Variants in NOL4 observed in about 807,000 individuals in gnomAD.
NOL4 encodes nucleolar protein 4.
Under a neutral mutation model 75.9 loss-of-function variants are expected in NOL4, and 17 were observed. The ratio of observed to expected loss-of-function variants is 0.22; its 90% confidence interval spans 0.15 to 0.34. NOL4 has a LOEUF of 0.34. NOL4 is among the 10% of genes least tolerant of loss of function. The probability of loss-of-function intolerance (pLI) is 1.00; values close to 1 mark genes in which losing one functional copy is unlikely to be tolerated. For synonymous variants in NOL4, 292 were observed against 289.9 expected, an observed-to-expected ratio of 1.01 and a Z score of -0.07; for missense variants, 614 against 793.5, an observed-to-expected ratio of 0.77 and a Z score of 2.72.
chr18:33,859,894 G>A (rs1172203185), intron 10 of NOL4, among the ~76,000 whole-genome samples: 2 of 152,026 alleles, frequency 1.3e-5, no homozygotes, highest in East Asian at 1.9e-4. Context: ...CTCCAGCCTG[G>A]GGGACAGAGT....
At chr18:33,915,059 T>G (rs2066631601) in intron 9 of NOL4, among the ~76,000 whole-genome samples, 1 of 152,104 alleles carries the variant, frequency 6.6e-6, no homozygotes, top group Non-Finnish European at 1.5e-5. Flanking sequence ...GAGATGGAAC[T>G]GCAAGGAAGC....
chr18:34,163,717 C>A (rs2031889297), intron 1 of NOL4, among the ~76,000 whole-genome samples: 1 of 152,156 alleles, frequency 6.6e-6, no homozygotes, highest in Non-Finnish European at 1.5e-5. Flanking sequence ...CAGTGACTTT[C>A]TTCACAGAAC....
rs2081279595 is a variant in NOL4, at chr18:34,143,699, T to G, written c.265-13679A>C. ...CTGGCCAACATGGAAAGGCTGTTTC[T>G]GCTAAAGATACAAAAATTAGCCAGG... On this transcript the variant is annotated intron_variant, in intron 1 of 10. Coordinates refer to ENST00000261592, the MANE Select transcript of NOL4 (RefSeq NM_003787.5). 2.0e-5 allele frequency among the ~76,000 whole-genome samples: 3 copies of G among 151,888 alleles called. No individual in the cohort carries two copies. In the South Asian group the frequency reaches 6.2e-4, roughly 32 times the overall value.
At chr18:34,031,619 T>C (rs990638577) in intron 5 of NOL4, among the ~76,000 whole-genome samples, 2 of 152,190 alleles carry the variant, frequency 1.3e-5, no homozygotes, top group Non-Finnish European at 2.9e-5. Context: ...TGAGTAGATA[T>C]TTTATACTTT....
intron 2 of NOL4, among the ~76,000 whole-genome samples, chr18:34,124,573 A>G (rs569504205): frequency 6.6e-6 from 1 of 152,196 alleles, no homozygotes; most frequent in Admixed American, 6.5e-5. Context: ...TCAAACACAT[A>G]CCAAACGCTA....
chr18:33,908,980 T>C (rs1352728146), intron 9 of NOL4, among the ~76,000 whole-genome samples: 2 of 152,258 alleles, frequency 1.3e-5, no homozygotes, highest in Admixed American at 6.5e-5. Flanking sequence ...GCGCATACAA[T>C]AGGAAGACAA....
rs1156472289 is a variant in NOL4, at chr18:34,137,779, T to TACACAC, written c.265-7765_265-7760dup. ...AAGCCAAAATCATGTATATACGAAA[T>TACACAC]ACACACACACACACACACACACACA... On this transcript the variant is annotated intron_variant, in intron 1 of 10. Transcript: ENST00000261592. Among the ~76,000 whole-genome samples, 385 of 147,148 alleles carry TACACAC rather than the reference T, an allele frequency of 2.6e-3. 3 individuals carry two copies. The highest frequency in any genetic ancestry group is 4.4e-3 in the East Asian group (22 of 4,992).
chr18:34,135,483 G>A (rs1035726087), intron 1 of NOL4, among the ~76,000 whole-genome samples: 1 of 151,926 alleles, frequency 6.6e-6, no homozygotes, highest in Non-Finnish European at 1.5e-5. Context: ...GGATCACGAG[G>A]TCAGAAGATC....
chr18:33,874,854 G>C (rs1211501398), intron 10 of NOL4, among the ~76,000 whole-genome samples: 1 of 151,942 alleles, frequency 6.6e-6, no homozygotes, highest in Non-Finnish European at 1.5e-5. Flanking sequence ...TGAATCTTAT[G>C]GCCAAGTTTC....
rs959063362 is a variant in NOL4 at position 33,898,403 on chromosome 18, G to A, written c.1543-14979C>T. Among the ~76,000 whole-genome samples, 3 of 152,002 alleles carry A rather than the reference G, an allele frequency of 2.0e-5. No individual in the cohort carries two copies. In the East Asian group the frequency reaches 5.8e-4, roughly 29 times the overall value. On this transcript the variant is annotated intron_variant, in intron 9 of 10. Transcript: ENST00000261592. ...CCCCTCTGAGGCCTATGCCCAAATT[G>A]TCTATTTTTCAGTTTAAATTTTGGT... is the stretch of plus-strand genomic sequence containing the variant.
At chr18:34,072,562 GA>G (rs1315731601) in intron 5 of NOL4, among the ~76,000 whole-genome samples, 4 of 152,050 alleles carry the variant, frequency 2.6e-5, no homozygotes, top group Non-Finnish European at 5.9e-5. Context: ...AAAAGAAAAA[GA>G]CTATATATTT....
At chr18:34,143,472 T>C (rs765239012) in intron 1 of NOL4, among the ~76,000 whole-genome samples, 3 of 152,174 alleles carry the variant, frequency 2.0e-5, no homozygotes, top group Non-Finnish European at 4.4e-5. Context: ...TAAAACTCCA[T>C]ACAACTTTTG....
In NOL4 at chr18:34,224,310, C is replaced by G. The variant is rs2037491689; in HGVS notation, c.-1057G>C. The G allele has an allele frequency of 6.6e-6, 1 of 152,476 alleles. No individual in the cohort carries two copies. The highest frequency in any genetic ancestry group is 2.1e-4 in the South Asian group (1 of 4,836). The allele number at this position is 152,476 out of a possible 1,614,324, so 9.4% of individuals were successfully genotyped here. On this transcript the variant is annotated 5_prime_UTR_variant, in exon 1 of 11. Transcript: ENST00000261592. ...ATACAGAAAGATCATTTTCCCCTTGCTTGGTCACAGTTTGCAGTTCACACG... is the reference window on the plus strand; with the variant it reads ...ATACAGAAAGATCATTTTCCCCTTGGTTGGTCACAGTTTGCAGTTCACACG...
intron 9 of NOL4, among the ~76,000 whole-genome samples, chr18:33,891,683 G>A (rs1026113461): frequency 2.6e-5 from 4 of 152,080 alleles, no homozygotes; most frequent in Non-Finnish European, 5.9e-5. Flanking sequence ...TCTTATTGAT[G>A]AGAAAAAGGA....
chr18:33,976,132 A>G (rs2071470751), intron 6 of NOL4, among the ~76,000 whole-genome samples: 1 of 152,208 alleles, frequency 6.6e-6, no homozygotes, highest in Admixed American at 6.5e-5. Context: ...GCAGAAGAGA[A>G]GAGAAATACA....
chr18:34,059,140 T>TATAC (rs929630004), intron 5 of NOL4, among the ~76,000 whole-genome samples: 2 of 129,924 alleles, frequency 1.5e-5, no homozygotes, highest in Admixed American at 1.5e-4. Context: ...TATATATATA[T>TATAC]ATATATATAT....
At chr18:34,056,292 C>T (rs898813420) in intron 5 of NOL4, among the ~76,000 whole-genome samples, 1 of 152,146 alleles carries the variant, frequency 6.6e-6, no homozygotes, top group African/African-American at 2.4e-5. Context: ...AGAGAACGGC[C>T]TTCATCAATG....
chr18:33,871,982 C>T (rs891604834), intron 10 of NOL4, among the ~76,000 whole-genome samples: 8 of 151,970 alleles, frequency 5.3e-5, no homozygotes, highest in African/African-American at 1.7e-4. Context: ...ATTTTACTTT[C>T]AATTTTTCAG....
chr18:33,918,522 T>C (rs997808706), intron 9 of NOL4, among the ~76,000 whole-genome samples: 11 of 152,162 alleles, frequency 7.2e-5, no homozygotes, highest in African/African-American at 2.7e-4. Flanking sequence ...AAGTATCAAA[T>C]TTAAACAGCA....
Sources: allele counts gnomAD v4.1 joint callset (sites outside exome capture counted in the v4.1 genomes callset), GRCh38; gene constraint gnomAD v4.1.1; transcripts MANE v1.5; gene names NCBI Gene and HGNC (gene_info 2026-07-23, HGNC 2026-07-21).